BRD9: variants seen among roughly 807,000 people sequenced by gnomAD.
BRD9 encodes bromodomain-containing protein 9.
A neutral mutation model predicts 68.7 loss-of-function variants in BRD9; 47 were observed. The observed-to-expected ratio is 0.68, with a 90% CI of 0.54 to 0.87. The LOEUF (loss-of-function observed/expected upper bound fraction) is 0.87, where lower values mean the gene tolerates loss of function less well. BRD9 is among the 40% of genes least tolerant of loss of function. The pLI is 0.00. For synonymous variants in BRD9, 313 were observed against 293.9 expected (o/e 1.06, Z -0.67); for missense variants, 670 against 748.4 (o/e 0.90, Z 1.22).
chr5:889,191 G>C (rs1340820638), intron 4 of BRD9, 26 bp from the exon 5 acceptor site: 1 of 1,595,090 alleles, frequency 6.3e-7, no homozygotes, highest in Non-Finnish European at 8.5e-7. Context: ...TCTTAAAGCG[G>C]AAAAATCTAG....
chr5:865,793 C>A, intron 14 of BRD9: 3 of 534,972 alleles, frequency 5.6e-6, no homozygotes, highest in Non-Finnish European at 9.8e-6. Flanking sequence ...AGACACCCAG[C>A]GTCCTTTGCT....
At chr5:892,432 C>T in intron 1 of BRD9, 174 bp downstream of exon 1, 4 of 1,380,394 alleles carry the variant, frequency 2.9e-6, no homozygotes, top group Non-Finnish European at 3.8e-6. Context: ...CAGGACCCCT[C>T]ACGTGTGCCC....
At chr5:876,020 G>T in intron 12 of BRD9, 81 bp downstream of exon 12, 1 of 960,776 alleles carries the variant, frequency 1.0e-6, no homozygotes, top group Non-Finnish European at 1.6e-6. Flanking sequence ...GTCCCCGAAA[G>T]CCTGGTCAGG....
At chr5:871,001 T>G (rs1230475340) in intron 13 of BRD9, among the ~76,000 whole-genome samples, 1 of 146,584 alleles carries the variant, frequency 6.8e-6, no homozygotes, top group East Asian at 1.9e-4. Flanking sequence ...TAACACATAC[T>G]CTCTCATCAG....
intron 10 of BRD9, 45 bp from the exon 11 acceptor site, chr5:878,532 T>C: frequency 1.2e-6 from 2 of 1,611,792 alleles, no homozygotes; most frequent in Non-Finnish European, 1.7e-6. Flanking sequence ...CTGGAAGGAC[T>C]CGGTGTGCAG....
intron 7 of BRD9, among the ~76,000 whole-genome samples, chr5:884,776 G>C (rs1310007347): frequency 6.6e-6 from 1 of 152,252 alleles, no homozygotes; most frequent in East Asian, 1.9e-4. Flanking sequence ...CTGACCTACA[G>C]TGACAACCTG....
chr5:867,119 C>T (rs1341555707), intron 14 of BRD9, among the ~76,000 whole-genome samples: 2 of 152,150 alleles, frequency 1.3e-5, no homozygotes, highest in East Asian at 3.8e-4. Flanking sequence ...TAAAAGGGGC[C>T]AAGGTACAGG....
chr5:883,019 T>C, intron 8 of BRD9: 2 of 309,644 alleles, frequency 6.5e-6, no homozygotes, highest in Non-Finnish European at 1.2e-5. Flanking sequence ...GACTGCAACC[T>C]CCCAACACGC....
At chr5:882,998 C>T (rs548803406) in intron 8 of BRD9, 3 of 313,294 alleles carry the variant, frequency 9.6e-6, no homozygotes, top group South Asian at 2.7e-5. Context: ...TCCCAACACA[C>T]GGGCCACACA....
At chr5:881,263 C>A in intron 8 of BRD9, 81 bp from the exon 9 acceptor site, 2 of 1,331,344 alleles carry the variant, frequency 1.5e-6, no homozygotes, top group East Asian at 2.4e-5. Context: ...ACAAGCAGGG[C>A]TTAATGGGGG....
rs1301210970 is a variant in BRD9 at position 891,926 on chromosome 5, G to A, written c.53-72C>T. The A allele has an allele frequency of 1.2e-5, 18 of 1,531,624 alleles. No individual in the cohort carries two copies. The Admixed American group carries it at 2.2e-4, about 19-fold the overall frequency. The allele number at this position is 1,531,624 out of a possible 1,614,324, so 94.9% of individuals were successfully genotyped here. On this transcript the variant is annotated intron_variant, in intron 1 of 15. Transcript: ENST00000467963. ...GCCACGCAGCCAGGTGAGACGTGAA[G>A]GTGCTAAGAGGGAAAGGCCTCCCTA...
At chr5:886,767 C>A in intron 6 of BRD9, 60 bp from the exon 7 acceptor site, 2 of 1,611,416 alleles carry the variant, frequency 1.2e-6, no homozygotes, top group South Asian at 2.2e-5. Context: ...AACAGCCGCT[C>A]CTAGAATCAG....
intron 7 of BRD9, among the ~76,000 whole-genome samples, chr5:885,874 G>A (rs969010270): frequency 1.3e-5 from 2 of 152,230 alleles, no homozygotes; most frequent in African/African-American, 2.4e-5. Context: ...CACATAGGTG[G>A]AGGAGCGTCT....
At chr5:880,767 C>CT (rs1751618940) in intron 9 of BRD9, among the ~76,000 whole-genome samples, 1 of 152,240 alleles carries the variant, frequency 6.6e-6, no homozygotes, top group Non-Finnish European at 1.5e-5. Flanking sequence ...GGCCAGCACT[C>CT]TGGTCTTTGC....
chr5:870,447 G>C (rs747897067), intron 14 of BRD9, 26 bp downstream of exon 14: 20 of 1,557,286 alleles, frequency 1.3e-5, no homozygotes, highest in Non-Finnish European at 1.6e-5. Flanking sequence ...ACCAGGTGCT[G>C]TGGGAAAGTG....
intron 11 of BRD9, among the ~76,000 whole-genome samples, chr5:878,018 A>G (rs73733931): frequency 0.038 from 5,725 of 152,252 alleles, 340 homozygotes; most frequent in African/African-American, 0.13. Context: ...GCCCCCAGGA[A>G]TAAGACCCCA....
At chr5:870,712 C>A in intron 13 of BRD9, 137 bp from the exon 14 acceptor site, 1 of 618,566 alleles carries the variant, frequency 1.6e-6, no homozygotes. Flanking sequence ...AAGACCAAGC[C>A]CTGTTCACTG....
intron 12 of BRD9, among the ~76,000 whole-genome samples, chr5:873,621 G>C (rs908401657): frequency 6.6e-6 from 1 of 152,172 alleles, no homozygotes; most frequent in South Asian, 2.1e-4. Context: ...TAGCCAGTGG[G>C]GGAGGCCAGG....
At chr5:871,474 C>A in intron 13 of BRD9, 52 bp downstream of exon 13, 1 of 1,571,006 alleles carries the variant, frequency 6.4e-7, no homozygotes, top group Non-Finnish European at 8.8e-7. Context: ...CTGGATACAA[C>A]TTTCCCTGTG....
Sources: allele counts gnomAD v4.1 joint callset (sites outside exome capture counted in the v4.1 genomes callset), GRCh38; gene constraint gnomAD v4.1.1; transcripts MANE v1.5; gene names NCBI Gene and HGNC (gene_info 2026-07-23, HGNC 2026-07-21).